The following GPM6A variants were observed in gnomAD, a reference collection of about 807,000 sequenced individuals.
GPM6A encodes the protein glycoprotein M6A, also known as neuronal membrane glycoprotein M6-a.
Under a neutral mutation model 32.1 loss-of-function variants are expected in GPM6A, and 7 were observed. That is an observed-to-expected ratio of 0.22 (90% confidence interval 0.12 to 0.41). The LOEUF is 0.41. Among genes scored for constraint, GPM6A ranks in the 10% least tolerant of loss-of-function variants. The pLI is 1.00. For synonymous variants in GPM6A, 130 were observed against 123.4 expected, an observed-to-expected ratio of 1.05 and a Z score of -0.35; for missense variants, 235 against 347.2, an observed-to-expected ratio of 0.68 and a Z score of 2.57.
intron 1 of GPM6A, among the ~76,000 whole-genome samples, chr4:175,859,622 C>T (rs900487764): frequency 2.6e-5 from 4 of 152,012 alleles, no homozygotes; most frequent in Non-Finnish European, 5.9e-5. Context: ...CCAAATGAAC[C>T]CAGAGAAATA....
At chr4:175,683,302 T>A (rs116113972) in intron 2 of GPM6A, among the ~76,000 whole-genome samples, 2 of 152,180 alleles carry the variant, frequency 1.3e-5, no homozygotes, top group African/African-American at 4.8e-5. Flanking sequence ...ACTGTCTGTG[T>A]CTCCATTGTA....
At chr4:175,875,359 A>T (rs1737049588) in intron 1 of GPM6A, among the ~76,000 whole-genome samples, 1 of 152,026 alleles carries the variant, frequency 6.6e-6, no homozygotes, top group Non-Finnish European at 1.5e-5. Context: ...TGTTTCTTTC[A>T]CCACTCTCCC....
intron 1 of GPM6A, among the ~76,000 whole-genome samples, chr4:175,931,995 G>A (rs1488826419): frequency 1.3e-5 from 2 of 151,384 alleles, no homozygotes; most frequent in African/African-American, 4.9e-5. Context: ...TGGAAGCTCA[G>A]GCAGGAGCCC....
chr4:175,949,541 A>G (rs1739732440), intron 1 of GPM6A, among the ~76,000 whole-genome samples: 1 of 151,556 alleles, frequency 6.6e-6, no homozygotes. Flanking sequence ...TTTTATGTAA[A>G]ACAAATATGA....
intron 1 of GPM6A, among the ~76,000 whole-genome samples, chr4:175,837,089 G>C (rs1490094378): frequency 1.3e-5 from 2 of 152,138 alleles, no homozygotes; most frequent in Non-Finnish European, 2.9e-5. Flanking sequence ...ATCAGAGTCA[G>C]AGAAGAACCA....
intron 1 of GPM6A, among the ~76,000 whole-genome samples, chr4:175,778,932 TATA>T (rs1412316832): frequency 1.3e-5 from 2 of 151,448 alleles, no homozygotes; most frequent in African/African-American, 4.8e-5. Context: ...TACATATAAG[TATA>T]ATACATAAGT....
At chr4:175,964,644 C>A (rs1391682406) in intron 1 of GPM6A, among the ~76,000 whole-genome samples, 1 of 152,102 alleles carries the variant, frequency 6.6e-6, no homozygotes, top group Non-Finnish European at 1.5e-5. Context: ...TGGATTAGGG[C>A]CACCCTAATG....
At chr4:175,763,348 G>A (rs1007866422) in intron 1 of GPM6A, among the ~76,000 whole-genome samples, 2 of 151,998 alleles carry the variant, frequency 1.3e-5, no homozygotes, top group African/African-American at 4.8e-5. Context: ...TTTCCCTTCT[G>A]GATGAACATC....
At chr4:175,714,371 TTTTA>T (rs1745719929) in intron 1 of GPM6A, among the ~76,000 whole-genome samples, 1 of 152,166 alleles carries the variant, frequency 6.6e-6, no homozygotes. Flanking sequence ...ATCAAGACTT[TTTTA>T]TTTTTTTGTT....
At chr4:175,960,613 C>T (rs1399670134) in intron 1 of GPM6A, 1 of 152,112 alleles carries the variant, frequency 6.6e-6, no homozygotes, top group Non-Finnish European at 1.5e-5. Flanking sequence ...TGTGTTGTTC[C>T]CTTCCCTGTG....
At chr4:175,833,747 C>G (rs1394130945) in intron 1 of GPM6A, among the ~76,000 whole-genome samples, 1 of 151,946 alleles carries the variant, frequency 6.6e-6, no homozygotes, top group Non-Finnish European at 1.5e-5. Context: ...TCTGCCTAAC[C>G]ACCAGTCACA....
intron 1 of GPM6A, among the ~76,000 whole-genome samples, chr4:175,987,149 T>C (rs1176127422): frequency 6.6e-6 from 1 of 152,208 alleles, no homozygotes; most frequent in African/African-American, 2.4e-5. Flanking sequence ...AGTACCATAT[T>C]TTATCTTTCT....
chr4:175,794,782 T>A (rs927329315), intron 1 of GPM6A, among the ~76,000 whole-genome samples: 1 of 152,150 alleles, frequency 6.6e-6, no homozygotes, highest in Non-Finnish European at 1.5e-5. Context: ...GCTGAGAGAC[T>A]ATTTCAATGC....
chr4:175,781,504 C>A (rs1733614992), intron 1 of GPM6A, among the ~76,000 whole-genome samples: 2 of 152,162 alleles, frequency 1.3e-5, no homozygotes, highest in Admixed American at 1.3e-4. Flanking sequence ...TACTTCACAG[C>A]ACCAAGTGAT....
chr4:175,682,119 G>A (rs1743721035), intron 2 of GPM6A, among the ~76,000 whole-genome samples: 1 of 150,132 alleles, frequency 6.7e-6, no homozygotes, highest in African/African-American at 2.5e-5. Flanking sequence ...GGGCACTGGA[G>A]CAAAGGTCAC....
At chr4:175,788,674 A>G (rs887016644) in intron 1 of GPM6A, among the ~76,000 whole-genome samples, 4 of 152,192 alleles carry the variant, frequency 2.6e-5, no homozygotes, top group Non-Finnish European at 4.4e-5. Context: ...TTACAGAATC[A>G]TGCATCTATA....
chr4:175,813,266 G>A (rs1484386004), upstream of GPM6A, among the ~76,000 whole-genome samples: 4 of 152,110 alleles, frequency 2.6e-5, no homozygotes, highest in African/African-American at 9.7e-5. Flanking sequence ...AGAAACAAGA[G>A]GATAGCAATT....
At chr4:175,994,013 A>T (rs1741229252) in intron 1 of GPM6A, among the ~76,000 whole-genome samples, 1 of 152,228 alleles carries the variant, frequency 6.6e-6, no homozygotes, top group South Asian at 2.1e-4. Context: ...TTCTACAAAC[A>T]TCTTTCCAAG....
At chr4:175,943,822 G>T (rs779786548) in intron 1 of GPM6A, among the ~76,000 whole-genome samples, 3 of 152,180 alleles carry the variant, frequency 2.0e-5, no homozygotes, top group Non-Finnish European at 4.4e-5. Context: ...GTTCATCAGG[G>T]ATATTGGCCT....
Sources: allele counts gnomAD v4.1 joint callset (sites outside exome capture counted in the v4.1 genomes callset), GRCh38; gene constraint gnomAD v4.1.1; transcripts MANE v1.5; gene names NCBI Gene and HGNC (gene_info 2026-07-23, HGNC 2026-07-21).